The following MACROD2 variants were observed in gnomAD, a reference collection of about 807,000 sequenced individuals.
MACROD2 encodes mono-ADP ribosylhydrolase 2, also known as ADP-ribose glycohydrolase MACROD2.
In MACROD2, 36 loss-of-function variants were observed where a neutral mutation model predicts 70.4. The ratio of observed to expected loss-of-function variants is 0.51; its 90% CI spans 0.39 to 0.68. The LOEUF is 0.68. Among genes scored for constraint, MACROD2 ranks in the 30% least tolerant of loss-of-function variants. The pLI is 0.00. For synonymous variants in MACROD2, 172 were observed against 178.8 expected (o/e 0.96, Z 0.30); for missense variants, 496 against 538.4 (o/e 0.92, Z 0.78).
intron 5 of MACROD2, among the ~76,000 whole-genome samples, chr20:15,227,327 C>T (rs1015618283): frequency 1.3e-5 from 2 of 151,988 alleles, no homozygotes; most frequent in African/African-American, 2.4e-5. Flanking sequence ...GCTTTTCTCT[C>T]TTTCTCTTTT....
At chr20:14,042,937 G>C (rs1239865637) in intron 2 of MACROD2, among the ~76,000 whole-genome samples, 2 of 142,176 alleles carry the variant, frequency 1.4e-5, no homozygotes, top group African/African-American at 5.2e-5. Flanking sequence ...TTTTTTTATT[G>C]AGACATGATC....
Position 15,186,744 on chromosome 20 carries a change from T to C in MACROD2, c.419-43196T>C, listed in dbSNP as rs144979132. 1.0e-3 allele frequency among the ~76,000 whole-genome samples: 154 copies of C among 152,272 alleles called. 1 individual carries two copies. The highest frequency in any genetic ancestry group is 3.4e-3 in the Middle Eastern group (1 of 294). Reference sequence around the variant, plus strand: ...TCAATGATGAATGTAGTCCTTGAACTCCAAAAGTTAACAGCAGTGCCTGAA... The same window carrying C: ...TCAATGATGAATGTAGTCCTTGAACCCCAAAAGTTAACAGCAGTGCCTGAA... On this transcript the variant is annotated intron_variant, in intron 5 of 17. Transcript: ENST00000684519.
chr20:15,396,066 A>G (rs916003782), intron 6 of MACROD2, among the ~76,000 whole-genome samples: 1 of 152,238 alleles, frequency 6.6e-6, no homozygotes, highest in African/African-American at 2.4e-5. Context: ...GAGTTCTTAC[A>G]TATTAAAAGA....
intron 5 of MACROD2, among the ~76,000 whole-genome samples, chr20:14,960,386 A>AG (rs1363115543): frequency 6.6e-6 from 1 of 152,162 alleles, no homozygotes; most frequent in East Asian, 1.9e-4. Context: ...CAGACTTCCC[A>AG]GGGGGAGGTC....
chr20:14,023,947 G>C (rs550183343), intron 2 of MACROD2, among the ~76,000 whole-genome samples: 2 of 152,250 alleles, frequency 1.3e-5, no homozygotes, highest in Non-Finnish European at 2.9e-5. Context: ...AAAGTCAGTG[G>C]TAGCTTGATG....
chr20:15,255,459 T>C (rs1230704367), intron 6 of MACROD2, among the ~76,000 whole-genome samples: 1 of 152,118 alleles, frequency 6.6e-6, no homozygotes, highest in African/African-American at 2.4e-5. Flanking sequence ...AATCATCACT[T>C]TGACAGTCTT....
chr20:14,734,883 G>A (rs535820556), intron 5 of MACROD2, among the ~76,000 whole-genome samples: 19 of 151,866 alleles, frequency 1.3e-4, no homozygotes, highest in Non-Finnish European at 4.4e-5. Flanking sequence ...ACCATTGCAT[G>A]GACAAAGAAT....
intron 4 of MACROD2, among the ~76,000 whole-genome samples, chr20:14,559,621 T>G (rs762170131): frequency 6.6e-5 from 10 of 151,886 alleles, no homozygotes; most frequent in Non-Finnish European, 1.2e-4. Context: ...TTTTTATAAC[T>G]TACTGATACT....
intron 3 of MACROD2, among the ~76,000 whole-genome samples, chr20:14,274,496 C>T (rs1031363011): frequency 7.9e-5 from 12 of 152,092 alleles, no homozygotes; most frequent in African/African-American, 2.7e-4. Flanking sequence ...GGATGTATCT[C>T]AAAATAATAA....
chr20:15,115,385 A>C (rs551838577), intron 5 of MACROD2, among the ~76,000 whole-genome samples: 1 of 152,202 alleles, frequency 6.6e-6, no homozygotes, highest in South Asian at 2.1e-4. Context: ...GTGCACCACC[A>C]TGCCCAGCTA....
intron 3 of MACROD2, among the ~76,000 whole-genome samples, chr20:14,384,336 A>G (rs901816153): frequency 1.3e-5 from 2 of 152,148 alleles, no homozygotes; most frequent in South Asian, 2.1e-4. Flanking sequence ...TAATATTGGG[A>G]AAAAAAGTTT....
intron 8 of MACROD2, among the ~76,000 whole-genome samples, chr20:15,558,110 T>C (rs1463711191): frequency 6.6e-6 from 1 of 152,124 alleles, no homozygotes; most frequent in East Asian, 1.9e-4. Context: ...ACACTCAGGG[T>C]TTCTCTACTA....
intron 6 of MACROD2, among the ~76,000 whole-genome samples, chr20:15,371,704 TA>T (rs1392969573): frequency 1.3e-5 from 2 of 152,192 alleles, no homozygotes; most frequent in African/African-American, 4.8e-5. Flanking sequence ...TCGGTTCTTG[TA>T]TTATCATTAA....
chr20:15,254,886 C>T (rs932629824), intron 6 of MACROD2, among the ~76,000 whole-genome samples: 12 of 148,724 alleles, frequency 8.1e-5, no homozygotes, highest in South Asian at 4.3e-4. Context: ...ATTTGTCAAA[C>T]GTGAATTCCT....
chr20:15,046,272 C>T (rs375385328), intron 5 of MACROD2, among the ~76,000 whole-genome samples: 3 of 151,978 alleles, frequency 2.0e-5, no homozygotes, highest in African/African-American at 4.8e-5. Context: ...AATATATCTC[C>T]GAACCTTCCC....
chr20:15,419,985 A>G (rs1221162421), intron 6 of MACROD2, among the ~76,000 whole-genome samples: 1 of 152,200 alleles, frequency 6.6e-6, no homozygotes, highest in Non-Finnish European at 1.5e-5. Context: ...CTTTGCTTCT[A>G]TATAAAGGGA....
At position 15,044,459 on chromosome 20, in the gene MACROD2, C is replaced by T. The variant is rs929092555; in HGVS notation, c.419-185481C>T. Among the ~76,000 whole-genome samples, 8 of 152,100 alleles carry T rather than the reference C, an allele frequency of 5.3e-5. 1 individual carries two copies. The highest frequency in any genetic ancestry group is 1.9e-4 in the East Asian group (1 of 5,186). ...CTCTGAGTCAATGAGTACATCTGTG[C>T]GGAGTGTCTCCCATTTGCCCTCCAG... On this transcript the variant is annotated intron_variant, in intron 5 of 17. Coordinates refer to ENST00000684519, the MANE Select transcript of MACROD2 (RefSeq NM_001351661.2).
At chr20:14,084,442 G>GT (rs1339155939) in intron 2 of MACROD2, among the ~76,000 whole-genome samples, 2 of 152,172 alleles carry the variant, frequency 1.3e-5, no homozygotes, top group East Asian at 3.9e-4. Context: ...AAAAGTTTGA[G>GT]TTTAATATAA....
intron 2 of MACROD2, chr20:14,003,780 T>TA (rs34857997): frequency 5.2e-3 from 1,836 of 352,204 alleles, no homozygotes; most frequent in South Asian, 9.6e-3. Flanking sequence ...GTACAAAGGT[T>TA]AAAAAAAAAA....
Sources: gnomAD v4.1 joint callset for allele counts (sites outside exome capture counted in the v4.1 genomes callset) on GRCh38, gnomAD v4.1.1 for gene constraint, MANE v1.5 for transcripts, NCBI Gene and HGNC (gene_info 2026-07-23, HGNC 2026-07-21) for gene names.